Variants in STT3B observed in about 807,000 individuals in gnomAD.
STT3B encodes the protein dolichyl-diphosphooligosaccharide--protein glycosyltransferase subunit STT3B.
STT3B carries 29 observed loss-of-function variants against 96.8 expected under a neutral mutation model. The ratio of observed to expected loss-of-function variants is 0.30; its 90% confidence interval spans 0.22 to 0.41. STT3B has a LOEUF of 0.41. STT3B is among the 10% of genes least tolerant of loss of function. STT3B has a pLI of 1.00. For synonymous variants in STT3B, 367 were observed against 360.0 expected (o/e 1.02, Z -0.22); for missense variants, 640 against 1,022.3 (o/e 0.63, Z 5.10).
At chr3:31,625,856 ACT>A (rs1699525792) in intron 12 of STT3B, 96 bp from the exon 13 acceptor site, 3 of 1,160,028 alleles carry the variant, frequency 2.6e-6, no homozygotes, top group Non-Finnish European at 3.6e-6. Context: ...TGTAAAACAA[ACT>A]CTTGATGAAT....
intron 14 of STT3B, among the ~76,000 whole-genome samples, chr3:31,629,685 C>A (rs1699615356): frequency 6.6e-6 from 1 of 152,160 alleles, no homozygotes; most frequent in African/African-American, 2.4e-5. Flanking sequence ...AGAACTCATG[C>A]TTTTGGAAAG....
intron 1 of STT3B, among the ~76,000 whole-genome samples, chr3:31,545,421 T>TGTAA: frequency 6.6e-6 from 1 of 152,304 alleles, no homozygotes; most frequent in African/African-American, 2.4e-5. Context: ...GTTATAACTG[T>TGTAA]GTAAGAATCA....
chr3:31,535,531 C>T (rs544861865), intron 1 of STT3B, among the ~76,000 whole-genome samples: 37 of 152,068 alleles, frequency 2.4e-4, no homozygotes, highest in African/African-American at 7.7e-4. Context: ...CGAGACCAGC[C>T]TGGCCAACAT....
chr3:31,585,085 A>G (rs1301532060), intron 3 of STT3B, among the ~76,000 whole-genome samples: 1 of 152,160 alleles, frequency 6.6e-6, no homozygotes, highest in African/African-American at 2.4e-5. Flanking sequence ...TTTAAAAGGT[A>G]CATGTTTTTA....
intron 2 of STT3B, among the ~76,000 whole-genome samples, chr3:31,579,157 A>G (rs1216927145): frequency 6.6e-6 from 1 of 151,892 alleles, no homozygotes; most frequent in Non-Finnish European, 1.5e-5. Flanking sequence ...CTAGTTTATT[A>G]TTTCCCTTTT....
chr3:31,544,631 T>A (rs2125436809), intron 1 of STT3B, among the ~76,000 whole-genome samples: 1 of 152,304 alleles, frequency 6.6e-6, no homozygotes, highest in African/African-American at 2.4e-5. Flanking sequence ...TTTAAAAAAA[T>A]CTATTACAGT....
rs142744055 is a variant in STT3B at position 31,635,221 on chromosome 3, A to G, written c.2401-763A>G. Among the ~76,000 whole-genome samples, 676 of 152,310 alleles carry G rather than the reference A, an allele frequency of 4.4e-3. 6 individuals carry two copies. The highest frequency in any genetic ancestry group is 0.015 in the African/African-American group (613 of 41,578). Reference sequence around the variant, plus strand: ...TTTCAAAAAATATTTGCTGTCTTCAATATCTAGGGCTGTGTGTCAGATTGA... The same window carrying G: ...TTTCAAAAAATATTTGCTGTCTTCAGTATCTAGGGCTGTGTGTCAGATTGA... On this transcript the variant is annotated intron_variant, in intron 15 of 15. Coordinates refer to ENST00000295770, the MANE Select transcript of STT3B (RefSeq NM_178862.3).
At chr3:31,593,779 TATATC>T (rs1267285631) in intron 3 of STT3B, among the ~76,000 whole-genome samples, 36 of 152,292 alleles carry the variant, frequency 2.4e-4, no homozygotes, top group African/African-American at 4.3e-4. Flanking sequence ...AATTTTGTGT[TATATC>T]ATTATATTTT....
chr3:31,540,844 C>CA (rs1697249226), intron 1 of STT3B, among the ~76,000 whole-genome samples: 1 of 152,134 alleles, frequency 6.6e-6, no homozygotes, highest in African/African-American at 2.4e-5. Context: ...TAGGAGAACA[C>CA]AGGCCATAAG....
At chr3:31,592,003 A>G (rs968326762) in intron 3 of STT3B, among the ~76,000 whole-genome samples, 1 of 152,166 alleles carries the variant, frequency 6.6e-6, no homozygotes, top group African/African-American at 2.4e-5. Context: ...TTAATCATTA[A>G]GTATATACTT....
chr3:31,596,974 A>G (rs189161240), intron 4 of STT3B, 111 bp downstream of exon 4: 15 of 788,514 alleles, frequency 1.9e-5, no homozygotes, highest in Admixed American at 1.8e-4. Context: ...GTAATCTTTC[A>G]TTACTACCAT....
At chr3:31,553,080 C>T (rs979492548) in intron 1 of STT3B, among the ~76,000 whole-genome samples, 6 of 136,970 alleles carry the variant, frequency 4.4e-5, no homozygotes, top group Non-Finnish European at 7.6e-5. Flanking sequence ...CCAGCCTGGG[C>T]GACAGAGCGA....
chr3:31,551,302 G>A (rs911961133), intron 1 of STT3B, among the ~76,000 whole-genome samples: 2 of 151,896 alleles, frequency 1.3e-5, no homozygotes, highest in Non-Finnish European at 2.9e-5. Flanking sequence ...TACAACCTCC[G>A]CCTCCCAGGC....
intron 15 of STT3B, 97 bp downstream of exon 15, chr3:31,633,244 AT>A: frequency 1.9e-6 from 2 of 1,052,830 alleles, no homozygotes; most frequent in Non-Finnish European, 1.4e-6. Flanking sequence ...CATCTGCCAG[AT>A]TTATAAAGAC....
intron 3 of STT3B, among the ~76,000 whole-genome samples, chr3:31,590,189 T>G (rs1182352133): frequency 6.6e-6 from 1 of 152,034 alleles, no homozygotes; most frequent in Non-Finnish European, 1.5e-5. Flanking sequence ...TGATGTCACC[T>G]TCCTTATTCC....
intron 4 of STT3B, among the ~76,000 whole-genome samples, chr3:31,599,251 T>C (rs1698869744): frequency 6.6e-6 from 1 of 152,246 alleles, no homozygotes; most frequent in African/African-American, 2.4e-5. Flanking sequence ...ATCTTTTTTT[T>C]CTTTTTAAAC....
chr3:31,623,675 C>T lies in STT3B; in HGVS notation c.1541C>T (p.Ala514Val). The T allele has an allele frequency of 6.2e-7, 1 of 1,600,752 alleles. No individual in the cohort carries two copies. Among genetic ancestry groups the T allele is most frequent in the Non-Finnish European group, 8.5e-7 (1 of 1,171,604 alleles). The change falls in exon 11 of 16, where the codon GCA becomes GTA. Residue 514 changes from alanine to valine, a missense_variant and splice_region_variant. Ala to Val is a moderately conservative substitution (Grantham distance 64, BLOSUM62 0). This residue lies in a region of STT3B where 149 missense variants were observed against 250.2 expected (regional missense o/e 0.60). Coordinates refer to ENST00000295770, the MANE Select transcript of STT3B (RefSeq NM_178862.3). ...KRNQGNLYDK[A>V]GKVRKHATEQ... ...AACCAATTTTTTTAATATCTTTAGGCAGGTAAAGTGAGGAAACATGCAACT... is the reference window on the plus strand; with the variant it reads ...AACCAATTTTTTTAATATCTTTAGGTAGGTAAAGTGAGGAAACATGCAACT...
intron 5 of STT3B, 91 bp downstream of exon 5, chr3:31,600,550 A>G (rs576979381): frequency 4.4e-5 from 24 of 541,206 alleles, no homozygotes; most frequent in Middle Eastern, 4.2e-4. Context: ...GGTCAATATT[A>G]TGCATGAAAA....
chr3:31,533,794 A>T (rs1057030214), intron 1 of STT3B: 1 of 152,474 alleles, frequency 6.6e-6, no homozygotes, highest in African/African-American at 2.4e-5. Context: ...GGAATCGGCC[A>T]GGGGGGCTGC....
Sources: allele counts gnomAD v4.1 joint callset (sites outside exome capture counted in the v4.1 genomes callset), GRCh38; gene constraint gnomAD v4.1.1; regional missense constraint gnomAD v4.1.1; transcripts MANE v1.5; gene names NCBI Gene and HGNC (gene_info 2026-07-23, HGNC 2026-07-21).